NFIB: variants seen among roughly 807,000 people sequenced by gnomAD.
NFIB encodes nuclear factor I B.
A neutral mutation model predicts 61.5 loss-of-function variants in NFIB; 11 were observed. That is an observed-to-expected ratio of 0.18 (90% CI 0.11 to 0.30). The LOEUF is 0.30. Ranked by LOEUF, NFIB falls within the 10% of genes least tolerant of loss-of-function variation. The pLI is 1.00. For synonymous variants in NFIB, 260 were observed against 216.5 expected (o/e 1.20, Z -1.76); for missense variants, 471 against 608.9 (o/e 0.77, Z 2.38).
chr9:14,346,398 T>C (rs1168575606), intron 1 of NFIB, among the ~76,000 whole-genome samples: 1 of 150,372 alleles, frequency 6.7e-6, no homozygotes, highest in East Asian at 2.0e-4. Flanking sequence ...AGGAGCCGTC[T>C]GGCCAAGTGG....
At chr9:14,445,092 A>C in the NFIB span, among the ~76,000 whole-genome samples, 1 of 152,110 alleles carries the variant, frequency 6.6e-6, no homozygotes, top group Non-Finnish European at 1.5e-5. Flanking sequence ...GTGTATTTTC[A>C]GTGCCGTATG....
At chr9:14,368,917 A>T (rs1354630049) in intron 1 of NFIB, among the ~76,000 whole-genome samples, 1 of 152,194 alleles carries the variant, frequency 6.6e-6, no homozygotes, top group African/African-American at 2.4e-5. Flanking sequence ...GGACAATATC[A>T]ATGCCTACCT....
At chr9:14,490,699 T>A in the NFIB span, among the ~76,000 whole-genome samples, 3 of 152,128 alleles carry the variant, frequency 2.0e-5, no homozygotes, top group African/African-American at 7.2e-5. Context: ...AGGGAAGGAA[T>A]CTCAATTTCA....
intron 1 of NFIB, among the ~76,000 whole-genome samples, chr9:14,348,719 CGGACAGTCAGCTGCAT>C (rs930723143): frequency 3.3e-5 from 5 of 152,338 alleles, no homozygotes; most frequent in Non-Finnish European, 5.9e-5. Context: ...CCGGGAGCAG[CGGACAGTCAGCTGCAT>C]GTGGCAGTGC....
intron 2 of NFIB, among the ~76,000 whole-genome samples, chr9:14,183,086 T>C (rs1210956734): frequency 2.6e-5 from 4 of 152,094 alleles, no homozygotes; most frequent in Non-Finnish European, 4.4e-5. Context: ...AACTAACTTT[T>C]AGGAAGAAAG....
the NFIB span, among the ~76,000 whole-genome samples, chr9:14,498,418 G>C: frequency 3.9e-5 from 6 of 152,302 alleles, no homozygotes; most frequent in African/African-American, 1.4e-4. Flanking sequence ...TGGGTAGCGT[G>C]GACAACCAGT....
At chr9:14,405,965 G>A in the NFIB span, among the ~76,000 whole-genome samples, 3 of 152,190 alleles carry the variant, frequency 2.0e-5, no homozygotes, top group East Asian at 1.9e-4. Flanking sequence ...CTAGGTTTTT[G>A]AGGGAATTGT....
the NFIB span, among the ~76,000 whole-genome samples, chr9:14,486,550 G>A: frequency 6.6e-6 from 1 of 152,200 alleles, no homozygotes; most frequent in Non-Finnish European, 1.5e-5. Context: ...TTTAATGACT[G>A]GTAGGGGGAA....
At chr9:14,400,144 A>T (rs183729292), upstream of NFIB, among the ~76,000 whole-genome samples, 1 of 152,292 alleles carries the variant, frequency 6.6e-6, no homozygotes, top group Admixed American at 6.5e-5. Flanking sequence ...CATTCTCAAC[A>T]GTAGCTTTAT....
At chr9:14,421,168 T>C in the NFIB span, among the ~76,000 whole-genome samples, 6 of 152,144 alleles carry the variant, frequency 3.9e-5, no homozygotes, top group Non-Finnish European at 7.4e-5. Context: ...TCTTTCTTCC[T>C]TCCTGTTTTT....
chr9:14,322,596 C>G (rs1347079545), intron 1 of NFIB, among the ~76,000 whole-genome samples: 1 of 152,062 alleles, frequency 6.6e-6, no homozygotes, highest in African/African-American at 2.4e-5. Context: ...CCCACCCTAC[C>G]ACGGCCGGCC....
At chr9:14,497,981 T>A in the NFIB span, among the ~76,000 whole-genome samples, 1 of 152,250 alleles carries the variant, frequency 6.6e-6, no homozygotes, top group East Asian at 1.9e-4. Flanking sequence ...GGATCTAAAC[T>A]TGCCTGAAGC....
intron 1 of NFIB, among the ~76,000 whole-genome samples, chr9:14,348,188 T>C (rs1161433854): frequency 6.6e-6 from 1 of 152,346 alleles, no homozygotes; most frequent in East Asian, 1.9e-4. Flanking sequence ...CGCTTTTCCT[T>C]ACTGTGCGCC....
chr9:14,251,849 G>A (rs2055665973), intron 2 of NFIB, among the ~76,000 whole-genome samples: 1 of 152,196 alleles, frequency 6.6e-6, no homozygotes, highest in Non-Finnish European at 1.5e-5. Context: ...TAAAGAACAA[G>A]CTGGAGAGGA....
chr9:14,299,607 C>T (rs1246461570), intron 2 of NFIB, among the ~76,000 whole-genome samples: 2 of 152,096 alleles, frequency 1.3e-5, no homozygotes, highest in Non-Finnish European at 2.9e-5. Context: ...TTCTGAACTG[C>T]CTTAAAATAG....
At chr9:14,308,246 G>A (rs138296506) in intron 1 of NFIB, among the ~76,000 whole-genome samples, 2 of 152,230 alleles carry the variant, frequency 1.3e-5, no homozygotes, top group African/African-American at 2.4e-5. Context: ...GACACAGCTC[G>A]TCGTATCAGT....
At chr9:14,158,234 G>C (rs2043691373) in intron 3 of NFIB, among the ~76,000 whole-genome samples, 1 of 151,602 alleles carries the variant, frequency 6.6e-6, no homozygotes, top group Non-Finnish European at 1.5e-5. Flanking sequence ...CTTTGTAAAT[G>C]CCTACCCTTC....
chr9:14,176,131 G>C (rs1011631877), intron 3 of NFIB, among the ~76,000 whole-genome samples: 2 of 151,890 alleles, frequency 1.3e-5, no homozygotes, highest in African/African-American at 4.8e-5. Context: ...AATTATTAAA[G>C]GTAAAAAGAG....
At chr9:14,527,003 C>T in the NFIB span, among the ~76,000 whole-genome samples, 5 of 152,260 alleles carry the variant, frequency 3.3e-5, no homozygotes, top group Non-Finnish European at 7.4e-5. Flanking sequence ...TTACATGTTA[C>T]ATTATGCAGG....
Sources: allele counts gnomAD v4.1 joint callset (sites outside exome capture counted in the v4.1 genomes callset), GRCh38; gene constraint gnomAD v4.1.1; transcripts MANE v1.5; gene names NCBI Gene and HGNC (gene_info 2026-07-23, HGNC 2026-07-21).